RSRC1: variants seen among roughly 807,000 people sequenced by gnomAD.
The protein encoded by RSRC1 is arginine and serine rich coiled-coil 1.
A neutral mutation model predicts 49.1 loss-of-function variants in RSRC1; 39 were observed. The ratio of observed to expected loss-of-function variants is 0.79; its 90% CI spans 0.61 to 1.04. The LOEUF is 1.04. Among genes scored for constraint, RSRC1 ranks in the 50% least tolerant of loss-of-function variants. The pLI is 0.00. For synonymous variants in RSRC1, 143 were observed against 130.8 expected, an observed-to-expected ratio of 1.09 and a Z score of -0.63; for missense variants, 388 against 402.4, an observed-to-expected ratio of 0.96 and a Z score of 0.31.
At chr3:158,288,384 G>A (rs12490116) in intron 4 of RSRC1, among the ~76,000 whole-genome samples, 18,505 of 152,152 alleles carry the variant, frequency 0.12, 1,392 homozygotes, top group Middle Eastern at 0.2. Context: ...GGGGGGTGAC[G>A]GTGAATAGCT....
chr3:158,221,352 CT>C (rs879279969), intron 4 of RSRC1, among the ~76,000 whole-genome samples: 4 of 149,696 alleles, frequency 2.7e-5, no homozygotes, highest in African/African-American at 7.3e-5. Context: ...TTATAGGCTG[CT>C]TTTTTTTTAA....
chr3:158,503,182 C>T (rs1383531582), intron 7 of RSRC1, among the ~76,000 whole-genome samples: 1 of 152,196 alleles, frequency 6.6e-6, no homozygotes, highest in East Asian at 1.9e-4. Context: ...CTCAGCAAGT[C>T]TACCCAGCTC....
intron 3 of RSRC1, among the ~76,000 whole-genome samples, chr3:158,175,872 T>A (rs1719178682): frequency 6.6e-6 from 1 of 152,148 alleles, no homozygotes; most frequent in Admixed American, 6.5e-5. Context: ...TGATCTTCAG[T>A]CACTGATACC....
At chr3:158,311,211 A>G (rs1728101932) in intron 5 of RSRC1, among the ~76,000 whole-genome samples, 2 of 152,026 alleles carry the variant, frequency 1.3e-5, no homozygotes, top group East Asian at 1.9e-4. Context: ...TTATATCTAT[A>G]TCTTACCTAC....
chr3:158,157,361 A>G (rs1717940091), intron 3 of RSRC1, among the ~76,000 whole-genome samples: 1 of 152,210 alleles, frequency 6.6e-6, no homozygotes, highest in Non-Finnish European at 1.5e-5. Context: ...GAGTCTTACA[A>G]CTGTATCGAG....
chr3:158,517,482 CT>C (rs1740638241), intron 7 of RSRC1, among the ~76,000 whole-genome samples: 1 of 151,884 alleles, frequency 6.6e-6, no homozygotes, highest in Admixed American at 6.6e-5. Context: ...CTTGCTTTAT[CT>C]TTTTTATAGG....
chr3:158,463,703 CCTTT>C (rs1737735740), intron 7 of RSRC1, among the ~76,000 whole-genome samples: 1 of 152,024 alleles, frequency 6.6e-6, no homozygotes, highest in South Asian at 2.1e-4. Context: ...ATGCAGTCTT[CCTTT>C]GAGTGTTCTT....
chr3:158,540,683 T>G (rs1712986070), intron 8 of RSRC1, among the ~76,000 whole-genome samples: 3 of 152,158 alleles, frequency 2.0e-5, no homozygotes, highest in Non-Finnish European at 4.4e-5. Flanking sequence ...ATCATCTCAT[T>G]CTTTAACTTT....
At position 158,435,617 on chromosome 3, in the gene RSRC1, A is replaced by T. The variant is rs1410030956; in HGVS notation, c.584-25318A>T. Among the ~76,000 whole-genome samples the T allele has an allele frequency of 2.6e-5, 4 of 151,752 alleles. No homozygotes were observed. In the East Asian group the frequency reaches 7.8e-4, roughly 29 times the overall value. On this transcript the variant is annotated intron_variant, in intron 6 of 9. Coordinates refer to ENST00000611884, the MANE Select transcript of RSRC1 (RefSeq NM_001271838.2). ...TGTGCTATAAAGATAAAGATATATA[A>T]TTTAAAGGTATATATTTACTTTCAC... is the stretch of plus-strand genomic sequence containing the variant.
chr3:158,449,014 C>A (rs1009496127), intron 6 of RSRC1, among the ~76,000 whole-genome samples: 2 of 151,808 alleles, frequency 1.3e-5, no homozygotes, highest in Non-Finnish European at 2.9e-5. Flanking sequence ...TATAAAGATA[C>A]CATATCATTT....
intron 4 of RSRC1, among the ~76,000 whole-genome samples, chr3:158,221,695 G>T (rs980721761): frequency 6.6e-6 from 1 of 151,410 alleles, no homozygotes; most frequent in South Asian, 2.1e-4. Context: ...TAAAGTAGAT[G>T]CCTTTCCTAT....
chr3:158,229,251 C>T (rs1329011158), intron 4 of RSRC1, among the ~76,000 whole-genome samples: 1 of 147,198 alleles, frequency 6.8e-6, no homozygotes, highest in African/African-American at 2.5e-5. Context: ...TGTATATAAA[C>T]ATACATGTAT....
intron 7 of RSRC1, among the ~76,000 whole-genome samples, chr3:158,535,461 A>G (rs1712665218): frequency 6.6e-6 from 1 of 151,376 alleles, no homozygotes; most frequent in South Asian, 2.1e-4. Context: ...TTTCCTTCTA[A>G]AAGTATGTAC....
At chr3:158,336,847 C>T (rs1729925595) in intron 5 of RSRC1, 1 of 151,990 alleles carries the variant, frequency 6.6e-6, no homozygotes, top group Admixed American at 6.5e-5. Context: ...TTCGTCTTCC[C>T]ACACTCATTT....
chr3:158,203,589 G>C (rs1721193179), intron 4 of RSRC1, among the ~76,000 whole-genome samples: 1 of 152,094 alleles, frequency 6.6e-6, no homozygotes, highest in South Asian at 2.1e-4. Flanking sequence ...TTATGAGTAT[G>C]AACTTAAAAT....
At chr3:158,151,595 A>G (rs887964755) in intron 3 of RSRC1, among the ~76,000 whole-genome samples, 3 of 152,186 alleles carry the variant, frequency 2.0e-5, no homozygotes, top group African/African-American at 7.2e-5. Flanking sequence ...GCCCAAGTAC[A>G]TATGTCCTGA....
intron 3 of RSRC1, among the ~76,000 whole-genome samples, chr3:158,149,435 G>A (rs1717383688): frequency 6.6e-6 from 1 of 152,176 alleles, no homozygotes; most frequent in Admixed American, 6.5e-5. Flanking sequence ...TTGGTCACGC[G>A]TGACTAGGCT....
At chr3:158,405,952 G>GA (rs1221801441) in intron 6 of RSRC1, among the ~76,000 whole-genome samples, 1 of 151,968 alleles carries the variant, frequency 6.6e-6, no homozygotes, top group African/African-American at 2.4e-5. Context: ...TAATTAACAT[G>GA]ATTCTGGAAT....
intron 6 of RSRC1, among the ~76,000 whole-genome samples, chr3:158,361,424 A>G (rs1731464482): frequency 1.3e-5 from 2 of 152,176 alleles, no homozygotes; most frequent in African/African-American, 4.8e-5. Flanking sequence ...TCAACCAGCC[A>G]TAGGAGGGTG....
Sources: allele counts gnomAD v4.1 joint callset (sites outside exome capture counted in the v4.1 genomes callset), GRCh38; gene constraint gnomAD v4.1.1; transcripts MANE v1.5; gene names NCBI Gene and HGNC (gene_info 2026-07-23, HGNC 2026-07-21).